The following MERTK variants were observed in gnomAD, a reference collection of about 807,000 sequenced individuals.
MERTK encodes MER proto-oncogene, tyrosine kinase.
MERTK carries 69 observed loss-of-function variants against 99.3 expected under a neutral mutation model. The observed-to-expected ratio is 0.70, with a 90% CI of 0.57 to 0.85. The LOEUF (loss-of-function observed/expected upper bound fraction) is 0.85. MERTK is among the 40% of genes least tolerant of loss of function. The pLI, the probability that MERTK is intolerant of heterozygous loss-of-function variation, is 0.00. For synonymous variants in MERTK, 426 were observed against 467.6 expected (o/e 0.91, Z 1.15); for missense variants, 1,125 against 1,249.4 (o/e 0.90, Z 1.50).
At chr2:112,018,364 T>A (rs1485930664) in intron 15 of MERTK, among the ~76,000 whole-genome samples, 1 of 152,168 alleles carries the variant, frequency 6.6e-6, no homozygotes, top group African/African-American at 2.4e-5. Context: ...CCAAATCCTT[T>A]CCTGGAAATC....
intron 4 of MERTK, among the ~76,000 whole-genome samples, chr2:111,959,280 T>A (rs1685202550): frequency 6.6e-6 from 1 of 152,156 alleles, no homozygotes; most frequent in Admixed American, 6.5e-5. Flanking sequence ...TTTCTTAAAA[T>A]CAATGCTTGA....
At chr2:111,970,448 C>G (rs911303300) in intron 6 of MERTK, among the ~76,000 whole-genome samples, 1 of 152,128 alleles carries the variant, frequency 6.6e-6, no homozygotes, top group Non-Finnish European at 1.5e-5. Context: ...TGAGCCACCA[C>G]GCCCAGCTGA....
intron 1 of MERTK, among the ~76,000 whole-genome samples, chr2:111,906,969 G>A (rs550077731): frequency 1.3e-5 from 2 of 152,268 alleles, no homozygotes; most frequent in South Asian, 4.1e-4. Context: ...CTAAAGGGGA[G>A]AGGTGGGAAG....
At chr2:111,970,755 TCTCCTCCTCCTCCTCC>T (rs1558791364) in intron 6 of MERTK, among the ~76,000 whole-genome samples, 4 of 44,720 alleles carry the variant, frequency 8.9e-5, no homozygotes, top group Admixed American at 2.5e-4. Context: ...CCTCCTCCCT[TCTCCTCCTCCTCCTCC>T]CTCCTCCTCC....
At chr2:111,964,406 C>T (rs1038405195) in intron 4 of MERTK, among the ~76,000 whole-genome samples, 7 of 144,808 alleles carry the variant, frequency 4.8e-5, no homozygotes, top group East Asian at 2.1e-4. Context: ...TGTGCGCGCG[C>T]GCACGCGCAT....
rs978000837 is a variant in MERTK at position 111,954,128 on chromosome 2, A to G, written c.757+6561A>G. 4.6e-5 allele frequency among the ~76,000 whole-genome samples: 7 copies of G among 152,214 alleles called. No individual in the cohort carries two copies. In the South Asian group the frequency reaches 1.4e-3, roughly 31 times the overall value. On this transcript the variant is annotated intron_variant, in intron 4 of 18. Transcript: ENST00000295408. ...CATGACTCCCCACTACATGCAGGTT[A>G]AAATCTACCATTTTACCCTGAAGTC... is the stretch of plus-strand genomic sequence containing the variant.
chr2:111,988,539 C>A (rs1367124639), intron 8 of MERTK, among the ~76,000 whole-genome samples: 1 of 152,140 alleles, frequency 6.6e-6, no homozygotes, highest in African/African-American at 2.4e-5. Context: ...GGAAAGAAGA[C>A]CCAACTGTAG....
intron 12 of MERTK, chr2:112,003,567 T>C: frequency 2.7e-6 from 1 of 366,290 alleles, no homozygotes. Context: ...TGTTAAGTTG[T>C]TCTTAGGATG....
chr2:111,972,991 C>A (rs1450184054), intron 6 of MERTK, among the ~76,000 whole-genome samples: 2 of 152,176 alleles, frequency 1.3e-5, no homozygotes, highest in African/African-American at 4.8e-5. Context: ...GATTCAGATC[C>A]ATGCACTAGC....
In MERTK at chr2:111,982,969, C is replaced by A. The variant is rs747244747; in HGVS notation, c.1272C>A (p.His424Gln). Reference sequence around the variant, plus strand: ...AACTGGTGGGCTACCGGATATCCCACGTGTGGCAGAGTGCAGGGATTTCCG... The same window carrying A: ...AACTGGTGGGCTACCGGATATCCCAAGTGTGGCAGAGTGCAGGGATTTCCG... ...DGELVGYRISHVWQSAGISKE... is the reference protein window; with the variant it reads ...DGELVGYRISQVWQSAGISKE... Residue 424 changes from histidine (H) to glutamine (Q), a missense_variant, in exon 8 of 19, where the codon CAC (histidine) becomes CAA (glutamine). His to Gln is a conservative substitution (Grantham distance 24). Coordinates refer to ENST00000295408, the MANE Select transcript of MERTK (RefSeq NM_006343.3). 6.2e-7 allele frequency: 1 copy of A among 1,614,086 alleles called. No individual in the cohort carries two copies. Among genetic ancestry groups the A allele is most frequent in the Non-Finnish European group, 8.5e-7 (1 of 1,180,000 alleles).
chr2:111,940,239 T>C (rs1684837564), intron 2 of MERTK: 1 of 284,846 alleles, frequency 3.5e-6, no homozygotes, highest in Admixed American at 4.0e-5. Flanking sequence ...ATGCCGGAAG[T>C]ATACATGGTT....
chr2:111,946,321 C>T (rs1684961224), intron 3 of MERTK, among the ~76,000 whole-genome samples: 1 of 152,108 alleles, frequency 6.6e-6, no homozygotes, highest in African/African-American at 2.4e-5. Context: ...ATATTAAGTC[C>T]AAACAGAGTT....
At chr2:111,971,466 T>C (rs906986904) in intron 6 of MERTK, among the ~76,000 whole-genome samples, 1 of 152,198 alleles carries the variant, frequency 6.6e-6, no homozygotes, top group Non-Finnish European at 1.5e-5. Flanking sequence ...CATTTCCCTG[T>C]AAGCACTGCT....
In MERTK at chr2:111,929,487, A is replaced by C; in HGVS notation, c.429A>C (p.Ala143=). ...AGGAATTGCTTGGGGCACATCATGC[A>C]ATTACACAGTTTTATCCAGATGATG... is the stretch of plus-strand genomic sequence containing the variant. The part of the protein sequence containing the change: ...DGKELLGAHH[A]ITQFYPDDEV... The change falls in exon 2 of 19, where the codon GCA becomes GCC. Residue 143 remains alanine (A), a synonymous_variant. Coordinates refer to ENST00000295408, the MANE Select transcript of MERTK (RefSeq NM_006343.3). The C allele has an allele frequency of 1.2e-6, 2 of 1,614,160 alleles. No individual in the cohort carries two copies. The highest frequency in any genetic ancestry group is 2.7e-5 in the African/African-American group (2 of 75,044).
At chr2:111,932,775 G>C (rs574614433) in intron 2 of MERTK, among the ~76,000 whole-genome samples, 3 of 152,252 alleles carry the variant, frequency 2.0e-5, no homozygotes, top group Admixed American at 2.0e-4. Flanking sequence ...AGGGTAGGGG[G>C]CTTATCACAA....
At chr2:111,903,353 T>C (rs1311314246) in intron 1 of MERTK, among the ~76,000 whole-genome samples, 1 of 152,226 alleles carries the variant, frequency 6.6e-6, no homozygotes, top group East Asian at 1.9e-4. Flanking sequence ...CAATCTTTTA[T>C]TTTGCTGTGA....
chr2:111,954,921 T>A (rs13386914), intron 4 of MERTK, among the ~76,000 whole-genome samples: 93,426 of 151,852 alleles, frequency 0.62, 29,103 homozygotes, highest in Middle Eastern at 0.69. Flanking sequence ...TTTTAATTAA[T>A]TTTTTTTTAA....
Position 112,029,391 on chromosome 2 carries a change from C to T in MERTK, c.*527C>T, listed in dbSNP as rs1474186874. On this transcript the variant is annotated 3_prime_UTR_variant, in exon 19 of 19. Coordinates refer to ENST00000295408, the MANE Select transcript of MERTK (RefSeq NM_006343.3). The stretch of plus-strand genomic sequence containing the variant: ...AAGGATATGTTGAACTTACTTGAGA[C>T]TTGAAAGACAGTGGTCGGCAGCGGC... 1.1e-6 allele frequency: 1 copy of T among 924,698 alleles called. No homozygotes were observed. Among genetic ancestry groups the T allele is most frequent in the Non-Finnish European group, 1.3e-6 (1 of 774,672 alleles). The allele number at this position is 924,698 out of a possible 1,614,324, so 57.3% of individuals were successfully genotyped here. A position where few individuals can be genotyped will look rare whatever the true frequency, so the allele number is the denominator to read the frequency against.
At chr2:111,949,487 T>C (rs1685017373) in intron 4 of MERTK, among the ~76,000 whole-genome samples, 1 of 152,166 alleles carries the variant, frequency 6.6e-6, no homozygotes, top group Non-Finnish European at 1.5e-5. Flanking sequence ...TTTCTTTGAG[T>C]TTTTTTAGGG....
Sources: gnomAD v4.1 joint callset for allele counts (sites outside exome capture counted in the v4.1 genomes callset) on GRCh38, gnomAD v4.1.1 for gene constraint, MANE v1.5 for transcripts, NCBI Gene and HGNC (gene_info 2026-07-23, HGNC 2026-07-21) for gene names.